The following ERGIC1 variants were observed in gnomAD, a reference collection of about 807,000 sequenced individuals.
ERGIC1 encodes endoplasmic reticulum-golgi intermediate compartment 1, also known as endoplasmic reticulum-Golgi intermediate compartment protein 1.
A neutral mutation model predicts 38.3 loss-of-function variants in ERGIC1; 19 were observed. That is an observed-to-expected ratio of 0.50 (90% CI 0.35 to 0.73). The LOEUF (loss-of-function observed/expected upper bound fraction) is 0.73, where lower values mean the gene tolerates loss of function less well. Among genes scored for constraint, ERGIC1 ranks in the 30% least tolerant of loss-of-function variants. The pLI, the probability that ERGIC1 is intolerant of heterozygous loss-of-function variation, is 0.01. For synonymous variants in ERGIC1, 124 were observed against 157.6 expected, an observed-to-expected ratio of 0.79 and a Z score of 1.60; for missense variants, 294 against 389.2, an observed-to-expected ratio of 0.76 and a Z score of 2.06.
At chr5:172,949,657 G>GA (rs1041609241) in intron 9 of ERGIC1, among the ~76,000 whole-genome samples, 141 of 151,706 alleles carry the variant, frequency 9.3e-4, no homozygotes, top group South Asian at 7.1e-3. Context: ...CAGCGTGGCG[G>GA]GGGGGGGTAT....
At chr5:172,941,167 G>C (rs1764003297) in intron 9 of ERGIC1, among the ~76,000 whole-genome samples, 1 of 152,062 alleles carries the variant, frequency 6.6e-6, no homozygotes, top group Non-Finnish European at 1.5e-5. Flanking sequence ...AGCTACTGTG[G>C]AGGCTGAGGC....
chr5:172,867,558 A>C, intron 1 of ERGIC1: 1 of 441,286 alleles, frequency 2.3e-6, no homozygotes, highest in South Asian at 1.6e-5. Context: ...CTCACTGCAG[A>C]GGTGTTACTC....
intron 9 of ERGIC1, among the ~76,000 whole-genome samples, chr5:172,948,545 A>T (rs1292995505): frequency 1.3e-5 from 2 of 152,130 alleles, no homozygotes; most frequent in East Asian, 3.9e-4. Flanking sequence ...TAAATGTGGC[A>T]TGGGGGAAAG....
At chr5:172,840,709 T>C (rs562970720) in intron 1 of ERGIC1, among the ~76,000 whole-genome samples, 1 of 152,330 alleles carries the variant, frequency 6.6e-6, no homozygotes, top group African/African-American at 2.4e-5. Flanking sequence ...GGGCCGTAAC[T>C]TTCTACTAAT....
chr5:172,898,818 A>G (rs144275744), intron 3 of ERGIC1, among the ~76,000 whole-genome samples: 39 of 152,242 alleles, frequency 2.6e-4, no homozygotes, highest in African/African-American at 8.7e-4. Context: ...TATTCCCCCC[A>G]GGCCTCTAAT....
At chr5:172,896,207 G>T (rs542215758) in intron 2 of ERGIC1, among the ~76,000 whole-genome samples, 1 of 152,090 alleles carries the variant, frequency 6.6e-6, no homozygotes, top group East Asian at 1.9e-4. Flanking sequence ...GCTGGGTGTC[G>T]TAGCAGGCAC....
chr5:172,894,981 GA>G (rs1762688643), intron 2 of ERGIC1, among the ~76,000 whole-genome samples: 2 of 152,244 alleles, frequency 1.3e-5, no homozygotes, highest in Non-Finnish European at 2.9e-5. Flanking sequence ...TAGGCAGATC[GA>G]TATATGTAAA....
chr5:172,894,219 G>A (rs1207996776), intron 2 of ERGIC1, among the ~76,000 whole-genome samples: 4 of 74,510 alleles, frequency 5.4e-5, no homozygotes, highest in African/African-American at 1.6e-4. Context: ...TTTTTGAGAC[G>A]GAGTCTTGCT....
At chr5:172,868,335 C>T (rs1052616868) in intron 1 of ERGIC1, among the ~76,000 whole-genome samples, 5 of 152,202 alleles carry the variant, frequency 3.3e-5, no homozygotes, top group Admixed American at 2.6e-4. Flanking sequence ...ATACCAAGCA[C>T]ACTGGTTCAT....
intron 1 of ERGIC1, among the ~76,000 whole-genome samples, chr5:172,865,454 A>G (rs1196816149): frequency 6.6e-6 from 1 of 152,208 alleles, no homozygotes; most frequent in Non-Finnish European, 1.5e-5. Context: ...TTCTTTCTAA[A>G]TGTTTAAGGA....
chr5:172,930,076 T>TACTCAGG (rs1763741168), intron 7 of ERGIC1, among the ~76,000 whole-genome samples: 1 of 151,154 alleles, frequency 6.6e-6, no homozygotes, highest in African/African-American at 2.4e-5. Flanking sequence ...TAGTCCCAGC[T>TACTCAGG]ACTCAGGAGG....
intron 1 of ERGIC1, among the ~76,000 whole-genome samples, chr5:172,838,425 G>C (rs1243527955): frequency 6.6e-6 from 1 of 152,046 alleles, no homozygotes. Flanking sequence ...GCCTTGGTTT[G>C]GCCTCTACCA....
intron 1 of ERGIC1, among the ~76,000 whole-genome samples, chr5:172,857,588 G>GCCCC (rs57477954): frequency 6.4e-4 from 85 of 132,670 alleles, no homozygotes; most frequent in African/African-American, 2.0e-3. Flanking sequence ...TAATAATGGT[G>GCCCC]CCCCCCCCAC....
chr5:172,903,216 G>C (rs556918987), intron 3 of ERGIC1, among the ~76,000 whole-genome samples: 5 of 152,316 alleles, frequency 3.3e-5, no homozygotes, highest in Admixed American at 3.3e-4. Context: ...CTGTGCTGAG[G>C]CTCAGGGAGC....
chr5:172,908,524 C>T (rs1359202668), intron 3 of ERGIC1, among the ~76,000 whole-genome samples: 7 of 151,390 alleles, frequency 4.6e-5, no homozygotes, highest in African/African-American at 1.5e-4. Flanking sequence ...TGGAGTGAGC[C>T]GAGATCGCGC....
At chr5:172,946,818 A>C (rs1764132443) in intron 9 of ERGIC1, among the ~76,000 whole-genome samples, 1 of 151,918 alleles carries the variant, frequency 6.6e-6, no homozygotes, top group Non-Finnish European at 1.5e-5. Context: ...AGGATGAGAG[A>C]TAAAATAATG....
At chr5:172,911,398 G>A (rs1004449040) in intron 4 of ERGIC1, among the ~76,000 whole-genome samples, 1 of 152,120 alleles carries the variant, frequency 6.6e-6, no homozygotes, top group Non-Finnish European at 1.5e-5. Flanking sequence ...CAGAGGACTG[G>A]GACTAGTGTG....
At chr5:172,940,643 C>T (rs533333844) in intron 9 of ERGIC1, among the ~76,000 whole-genome samples, 5 of 152,226 alleles carry the variant, frequency 3.3e-5, no homozygotes, top group Admixed American at 2.6e-4. Context: ...TACCGGATGG[C>T]GATGACACCC....
chr5:172,843,955 A>G (rs1449878504), intron 1 of ERGIC1, among the ~76,000 whole-genome samples: 4 of 152,162 alleles, frequency 2.6e-5, no homozygotes, highest in Non-Finnish European at 5.9e-5. Flanking sequence ...AGGCGGGAGG[A>G]CATTTCCCTC....
Sources: allele counts gnomAD v4.1 joint callset (sites outside exome capture counted in the v4.1 genomes callset), GRCh38; gene constraint gnomAD v4.1.1; transcripts MANE v1.5; gene names NCBI Gene and HGNC (gene_info 2026-07-23, HGNC 2026-07-21).